Variants in DPP6 observed in about 807,000 individuals in gnomAD.
The protein encoded by DPP6 is dipeptidyl peptidase like 6, also known as A-type potassium channel modulatory protein DPP6.
DPP6 carries 69 observed loss-of-function variants against 122.6 expected under a neutral mutation model. The ratio of observed to expected loss-of-function variants is 0.56; its 90% CI spans 0.46 to 0.69. The LOEUF is 0.69. Ranked by LOEUF, DPP6 falls within the 30% of genes least tolerant of loss-of-function variation. The pLI is 0.00. For missense variants in DPP6, 928 were observed against 1,116.9 expected (o/e 0.83, Z 2.41); for synonymous variants, 418 against 433.1 (o/e 0.97, Z 0.43).
Position 154,477,690 on chromosome 7 carries a change from G to A in DPP6, c.457+2653G>A, listed in dbSNP as rs531043589. 8.5e-5 allele frequency among the ~76,000 whole-genome samples: 13 copies of A among 152,272 alleles called. No homozygotes were observed. The South Asian group carries it at 1.2e-3, about 15-fold the overall frequency. On this transcript the variant is annotated intron_variant, in intron 3 of 25. Coordinates refer to ENST00000377770, the MANE Select transcript of DPP6 (RefSeq NM_130797.4). ...GCTTTCTGGCCAGAGGAGACCAGCC[G>A]GATTTTCTTTATATCCGCAAAGCTG...
chr7:153,989,889 CCCTGA>C (rs1408961537), intron 1 of DPP6, among the ~76,000 whole-genome samples: 47 of 151,718 alleles, frequency 3.1e-4, no homozygotes, highest in African/African-American at 1.1e-3. Flanking sequence ...CTCCAATGTC[CCCTGA>C]CCTGACAGTC....
chr7:154,684,449 TCAATTAAGGCATATTATTTACC>T (rs1839477056), intron 7 of DPP6, among the ~76,000 whole-genome samples: 1 of 152,246 alleles, frequency 6.6e-6, no homozygotes, highest in African/African-American at 2.4e-5. Flanking sequence ...GGTGACTCAG[TCAATTAAGGCATATTATTTACC>T]CAAGATGAAA....
At chr7:153,822,334 C>T in the DPP6 span, among the ~76,000 whole-genome samples, 3 of 151,786 alleles carry the variant, frequency 2.0e-5, no homozygotes, top group African/African-American at 4.8e-5. Context: ...GGACTACAGG[C>T]GCACGCCACC....
intron 1 of DPP6, among the ~76,000 whole-genome samples, chr7:153,986,363 G>A (rs900905866): frequency 9.9e-5 from 15 of 151,320 alleles, no homozygotes; most frequent in Non-Finnish European, 1.9e-4. Flanking sequence ...AACTCCTACC[G>A]AGACCTGTTC....
At chr7:153,878,529 A>G in the DPP6 span, among the ~76,000 whole-genome samples, 1 of 152,212 alleles carries the variant, frequency 6.6e-6, no homozygotes, top group Non-Finnish European at 1.5e-5. Context: ...GAAGCCATTC[A>G]CATTGATTCC....
At chr7:153,883,595 G>A (rs1328208600), upstream of DPP6, among the ~76,000 whole-genome samples, 1 of 152,154 alleles carries the variant, frequency 6.6e-6, no homozygotes, top group African/African-American at 2.4e-5. Flanking sequence ...GGCCAGGCTG[G>A]TCTTGAACTC....
chr7:154,738,656 C>T (rs1842680785), intron 8 of DPP6, among the ~76,000 whole-genome samples: 1 of 152,170 alleles, frequency 6.6e-6, no homozygotes, highest in Non-Finnish European at 1.5e-5. Context: ...AAAAGGAAGC[C>T]TCAGACAGCA....
chr7:153,858,679 A>G, the DPP6 span, among the ~76,000 whole-genome samples: 3 of 152,218 alleles, frequency 2.0e-5, no homozygotes, highest in African/African-American at 7.2e-5. Flanking sequence ...ATCCACAGTA[A>G]AAACTCTCCA....
chr7:154,061,803 G>A (rs909586901), intron 1 of DPP6, among the ~76,000 whole-genome samples: 1 of 137,710 alleles, frequency 7.3e-6, no homozygotes, highest in African/African-American at 2.8e-5. Flanking sequence ...CGCGACGCGG[G>A]GACTGAGAGC....
At chr7:153,800,182 A>C in the DPP6 span, among the ~76,000 whole-genome samples, 3 of 152,240 alleles carry the variant, frequency 2.0e-5, no homozygotes, top group Non-Finnish European at 4.4e-5. Context: ...AGTGTCCATC[A>C]ACAAATGAAT....
chr7:154,405,231 G>C (rs986058702), intron 1 of DPP6, among the ~76,000 whole-genome samples: 2 of 152,058 alleles, frequency 1.3e-5, no homozygotes, highest in African/African-American at 4.8e-5. Flanking sequence ...AAATTACATA[G>C]CGCTTCCTCC....
intron 7 of DPP6, among the ~76,000 whole-genome samples, chr7:154,704,032 C>G (rs1342050016): frequency 6.6e-6 from 1 of 152,166 alleles, no homozygotes; most frequent in South Asian, 2.1e-4. Context: ...TGAAAGCCTT[C>G]TGGAAAGGAT....
intron 7 of DPP6, among the ~76,000 whole-genome samples, chr7:154,689,346 G>A (rs1390209925): frequency 6.6e-6 from 1 of 152,140 alleles, no homozygotes; most frequent in East Asian, 1.9e-4. Flanking sequence ...GTTGTTGTTG[G>A]TCTTGTGGTC....
At chr7:154,308,153 G>A (rs1183530358) in intron 1 of DPP6, among the ~76,000 whole-genome samples, 2 of 152,076 alleles carry the variant, frequency 1.3e-5, no homozygotes, top group African/African-American at 4.8e-5. Flanking sequence ...AGAGGAAAGT[G>A]AGTTTCTTTA....
upstream of DPP6, among the ~76,000 whole-genome samples, chr7:153,885,215 GATATA>G (rs1798866823): frequency 6.6e-6 from 1 of 151,918 alleles, no homozygotes; most frequent in African/African-American, 2.4e-5. Flanking sequence ...TTAGATTGGT[GATATA>G]TTCTGTCCAC....
At chr7:154,285,774 C>T (rs1804809150) in intron 1 of DPP6, among the ~76,000 whole-genome samples, 2 of 152,192 alleles carry the variant, frequency 1.3e-5, no homozygotes, top group South Asian at 4.1e-4. Context: ...AATTTCAGCA[C>T]TATTACTGCT....
At chr7:154,703,928 C>G (rs1257395707) in intron 7 of DPP6, among the ~76,000 whole-genome samples, 4 of 150,746 alleles carry the variant, frequency 2.7e-5, no homozygotes, top group Admixed American at 6.6e-5. Context: ...CAGAGCGAGA[C>G]TCTGTCTCAA....
At chr7:154,077,726 A>T (rs1479790787) in intron 1 of DPP6, among the ~76,000 whole-genome samples, 1 of 150,550 alleles carries the variant, frequency 6.6e-6, no homozygotes, top group African/African-American at 2.4e-5. Flanking sequence ...GCTAGAGTGC[A>T]GTGGTGTGAT....
At chr7:154,235,908 G>A (rs1340982007) in intron 1 of DPP6, among the ~76,000 whole-genome samples, 3 of 152,144 alleles carry the variant, frequency 2.0e-5, no homozygotes, top group South Asian at 2.1e-4. Context: ...GCTGGAGTGC[G>A]GTGGTGCAAT....
Sources: allele counts gnomAD v4.1 joint callset (sites outside exome capture counted in the v4.1 genomes callset), GRCh38; gene constraint gnomAD v4.1.1; transcripts MANE v1.5; gene names NCBI Gene and HGNC (gene_info 2026-07-23, HGNC 2026-07-21).